Variants in SYNE1 observed in about 807,000 individuals in gnomAD.
The protein encoded by SYNE1 is nesprin-1.
In SYNE1, 616 loss-of-function variants were observed where a neutral mutation model predicts 1,111.0. The observed-to-expected ratio is 0.55, with a 90% CI of 0.52 to 0.59. The LOEUF (loss-of-function observed/expected upper bound fraction) is 0.59, where lower values mean the gene tolerates loss of function less well. Among genes scored for constraint, SYNE1 ranks in the 20% least tolerant of loss-of-function variants. The probability of loss-of-function intolerance (pLI) is 0.00; values close to 1 mark genes in which losing one functional copy is unlikely to be tolerated. For missense variants in SYNE1, 10,006 were observed against 10,417.0 expected (o/e 0.96, Z 1.72); for synonymous variants, 3,855 against 3,825.8 (o/e 1.01, Z -0.28).
At position 152,484,923 on chromosome 6, in the gene SYNE1, T is replaced by G. The variant is rs372327585; in HGVS notation, c.1097A>C (p.Glu366Ala). The G allele has an allele frequency of 5.5e-5, 88 of 1,613,436 alleles. No individual in the cohort carries two copies. The highest frequency in any genetic ancestry group is 7.3e-5 in the Non-Finnish European group (86 of 1,179,822). ...TCTGTGTAATGGTTGTATTAAATGTTCAATCTGTTTCCTCTTCATTTCATA... is the reference window on the plus strand; with the variant it reads ...TCTGTGTAATGGTTGTATTAAATGTGCAATCTGTTTCCTCTTCATTTCATA... ...VQYEMKRKQI[E>A]HLIQPLHRDG... is the part of the protein sequence containing the mutation. The change falls in exon 13 of 146, where the codon GAA becomes GCA. Residue 366 changes from glutamate (E) to alanine (A), a missense_variant. Physicochemically the swap from Glu to Ala is moderately radical, Grantham distance 107. Coordinates refer to ENST00000367255, the MANE Select transcript of SYNE1 (RefSeq NM_182961.4).
chr6:152,533,207 T>C (rs903639677), intron 4 of SYNE1, among the ~76,000 whole-genome samples: 1 of 152,020 alleles, frequency 6.6e-6, no homozygotes, highest in Non-Finnish European at 1.5e-5. Context: ...TTGTGATCAT[T>C]TTCCACTTCT....
rs761198027 is a variant in SYNE1, at chr6:152,201,832, G to A, written c.23137C>T (p.Arg7713Cys). The change falls in exon 127 of 146, where the codon CGT becomes TGT. Residue 7713 changes from arginine to cysteine, a missense_variant. By Grantham distance (180) the Arg-to-Cys change is radical. Around this residue, in one of 7 missense-constraint regions of SYNE1, gnomAD observed 2,182 missense variants for 2,287.8 expected, o/e 0.95. Coordinates refer to ENST00000367255, the MANE Select transcript of SYNE1 (RefSeq NM_182961.4). ...HHEELHAEQMRCKELENAVGS... is the reference protein window; with the variant it reads ...HHEELHAEQMCCKELENAVGS... ...TCAGTTCAGTAATTTACCTTGCAAC[G>A]CATTTGTTCTGCATGGAGCTCTTCA... 28 of 1,613,764 alleles carry A rather than the reference G, an allele frequency of 1.7e-5. No homozygotes were observed. The highest frequency in any genetic ancestry group is 1.6e-4 in the Middle Eastern group (1 of 6,076).
intron 16 of SYNE1, among the ~76,000 whole-genome samples, chr6:152,471,312 A>T (rs1054504698): frequency 6.6e-6 from 1 of 152,186 alleles, no homozygotes; most frequent in Admixed American, 6.5e-5. Context: ...CAATACAAAA[A>T]CTTTTTTTAA....
intron 3 of SYNE1, among the ~76,000 whole-genome samples, chr6:152,565,455 C>A (rs1048608505): frequency 6.6e-6 from 1 of 152,136 alleles, no homozygotes; most frequent in African/African-American, 2.4e-5. Context: ...CTTATTAATA[C>A]TCTTTGGCAT....
intron 6 of SYNE1, among the ~76,000 whole-genome samples, chr6:152,511,818 C>T (rs545620231): frequency 2.6e-5 from 4 of 152,206 alleles, no homozygotes; most frequent in East Asian, 1.9e-4. Flanking sequence ...TAAGGAGAGA[C>T]GTCAATCTAT....
intron 128 of SYNE1, among the ~76,000 whole-genome samples, chr6:152,185,102 G>A (rs927530967): frequency 3.3e-5 from 5 of 152,036 alleles, no homozygotes; most frequent in Admixed American, 1.3e-4. Flanking sequence ...GAGCAATTAC[G>A]ATGATGACAT....
intron 46 of SYNE1, among the ~76,000 whole-genome samples, chr6:152,403,120 T>C (rs78517884): frequency 0.045 from 6,803 of 151,770 alleles, 535 homozygotes; most frequent in African/African-American, 0.15. Flanking sequence ...AGAAAGGAAA[T>C]GTAGAGAAAA....
chr6:152,232,983 C>T (rs1228446619), intron 112 of SYNE1, among the ~76,000 whole-genome samples: 1 of 152,182 alleles, frequency 6.6e-6, no homozygotes, highest in African/African-American at 2.4e-5. Flanking sequence ...CAAAACACAG[C>T]TATCCTGCCT....
At chr6:152,130,025 G>A (rs2068867) in intron 145 of SYNE1, among the ~76,000 whole-genome samples, 1,861 of 152,280 alleles carry the variant, frequency 0.012, 40 homozygotes, top group African/African-American at 0.043. Flanking sequence ...GGGGCTGCTG[G>A]AGGCCAGGCA....
At chr6:152,245,572 T>C (rs1588625082) in intron 105 of SYNE1, among the ~76,000 whole-genome samples, 2 of 152,186 alleles carry the variant, frequency 1.3e-5, no homozygotes, top group East Asian at 3.8e-4. Context: ...CCCATAAATC[T>C]AAAAGGACAA....
intron 50 of SYNE1, 89 bp downstream of exon 50, chr6:152,396,686 T>C: frequency 8.3e-7 from 1 of 1,211,050 alleles, no homozygotes; most frequent in Non-Finnish European, 1.2e-6. Context: ...GTGTCAAACG[T>C]TATTTATTTA....
intron 145 of SYNE1, chr6:152,125,460 T>A (rs1370904623): frequency 5.2e-6 from 7 of 1,338,848 alleles, no homozygotes; most frequent in Non-Finnish European, 4.0e-6. Context: ...TAAATTAGTC[T>A]CTCTGGCCTT....
intron 63 of SYNE1, 130 bp downstream of exon 63, chr6:152,364,717 G>GAAGA: frequency 1.9e-6 from 2 of 1,033,840 alleles, no homozygotes; most frequent in Non-Finnish European, 2.9e-6. Context: ...AGGAAGGAAG[G>GAAGA]AAGGAAGGAA....
chr6:152,574,868 A>G (rs1465231111), intron 3 of SYNE1, among the ~76,000 whole-genome samples: 1 of 151,552 alleles, frequency 6.6e-6, no homozygotes, highest in African/African-American at 2.4e-5. Context: ...ACGTCAGTTC[A>G]CTCTTAGCTG....
intron 16 of SYNE1, among the ~76,000 whole-genome samples, chr6:152,471,337 A>C (rs1381013013): frequency 1.3e-5 from 2 of 152,214 alleles, no homozygotes; most frequent in Non-Finnish European, 2.9e-5. Flanking sequence ...CAATAAAGCC[A>C]GTCAGGATGG....
rs1236997133 is a variant in SYNE1 at position 152,278,180 on chromosome 6, T to A, written c.18482A>T (p.Glu6161Val). Residue 6161 changes from glutamate (E) to valine (V), a missense_variant, in exon 98 of 146, where the codon GAG becomes GTG. By Grantham distance (121) the Glu-to-Val change is moderately radical. Transcript: ENST00000367255. ...LLEGKAHTKDEAEQLAGKLRR... is the reference protein window; with the variant it reads ...LLEGKAHTKDVAEQLAGKLRR... ...CAGCTTTCCAGCCAGCTGCTCGGCCTCGTCCTTGGTGTGAGCTTTGCCCTC... is the reference window on the plus strand; with the variant it reads ...CAGCTTTCCAGCCAGCTGCTCGGCCACGTCCTTGGTGTGAGCTTTGCCCTC... The A allele has an allele frequency of 6.2e-7, 1 of 1,614,092 alleles. No individual in the cohort carries two copies. Among genetic ancestry groups the A allele is most frequent in the East Asian group, 2.2e-5 (1 of 44,882 alleles).
chr6:152,250,393 G>A (rs1425769653), intron 104 of SYNE1, among the ~76,000 whole-genome samples: 2 of 152,084 alleles, frequency 1.3e-5, no homozygotes, highest in African/African-American at 4.8e-5. Flanking sequence ...GCCTGATCAC[G>A]CACATCACCA....
At chr6:152,543,663 C>T (rs750969746) in intron 3 of SYNE1, among the ~76,000 whole-genome samples, 2 of 152,154 alleles carry the variant, frequency 1.3e-5, no homozygotes, top group East Asian at 1.9e-4. Context: ...TGGCCAATGA[C>T]GAACCTCATA....
chr6:152,474,214 A>G (rs1031816194), intron 14 of SYNE1, among the ~76,000 whole-genome samples: 5 of 152,046 alleles, frequency 3.3e-5, no homozygotes, highest in African/African-American at 1.2e-4. Flanking sequence ...AACAGTTGGC[A>G]TGATGTCACT....
Sources: gnomAD v4.1 joint callset for allele counts (sites outside exome capture counted in the v4.1 genomes callset) on GRCh38, gnomAD v4.1.1 for gene constraint, gnomAD v4.1.1 regional missense constraint, MANE v1.5 for transcripts, NCBI Gene and HGNC (gene_info 2026-07-23, HGNC 2026-07-21) for gene names.